Variants in RBKS observed in about 807,000 individuals in gnomAD.
RBKS encodes ribokinase.
A neutral mutation model predicts 33.9 loss-of-function variants in RBKS; 33 were observed. The observed-to-expected ratio is 0.97, with a 90% CI of 0.74 to 1.30. The LOEUF is 1.30. RBKS is among the 50% of genes most tolerant of loss of function. The pLI, the probability that RBKS is intolerant of heterozygous loss-of-function variation, is 0.00. For synonymous variants in RBKS, 125 were observed against 143.0 expected (o/e 0.87, Z 0.90); for missense variants, 361 against 392.6 (o/e 0.92, Z 0.68).
At chr2:27,842,817 G>A (rs1573059546) in intron 5 of RBKS, among the ~76,000 whole-genome samples, 1 of 151,766 alleles carries the variant, frequency 6.6e-6, no homozygotes, top group East Asian at 1.9e-4. Flanking sequence ...AATTCTACTT[G>A]TACCATTTCT....
intron 7 of RBKS, among the ~76,000 whole-genome samples, chr2:27,787,196 C>T (rs1404233882): frequency 2.0e-5 from 3 of 152,184 alleles, no homozygotes; most frequent in South Asian, 2.1e-4. Context: ...CCAGGCACGG[C>T]GGCTCACGTC....
At chr2:27,845,676 A>C (rs1011548996) in intron 4 of RBKS, among the ~76,000 whole-genome samples, 1 of 152,226 alleles carries the variant, frequency 6.6e-6, no homozygotes, top group Non-Finnish European at 1.5e-5. Flanking sequence ...CCTTTAGGTG[A>C]AATATATCGT....
At chr2:27,814,974 C>G (rs1678059478) in intron 7 of RBKS, among the ~76,000 whole-genome samples, 1 of 152,234 alleles carries the variant, frequency 6.6e-6, no homozygotes, top group South Asian at 2.1e-4. Flanking sequence ...ATGCAATTAA[C>G]TGTTTATTCA....
chr2:27,801,427 T>TA (rs1322930238), intron 7 of RBKS, among the ~76,000 whole-genome samples: 2 of 147,040 alleles, frequency 1.4e-5, no homozygotes, highest in Non-Finnish European at 3.0e-5. Context: ...AAAAAAATCT[T>TA]AGATATTACA....
intron 1 of RBKS, chr2:27,870,826 A>C: frequency 2.1e-6 from 1 of 465,212 alleles, no homozygotes; most frequent in South Asian, 1.5e-5. Context: ...AGACTTGAAC[A>C]GTTCTGCAGC....
intron 5 of RBKS, among the ~76,000 whole-genome samples, chr2:27,836,533 C>G (rs1678522803): frequency 6.6e-6 from 1 of 152,146 alleles, no homozygotes; most frequent in Non-Finnish European, 1.5e-5. Flanking sequence ...AGACCTCAAA[C>G]TATAAAAATC....
At chr2:27,882,627 T>G (rs1180526456) in intron 1 of RBKS, among the ~76,000 whole-genome samples, 1 of 152,148 alleles carries the variant, frequency 6.6e-6, no homozygotes, top group East Asian at 1.9e-4. Flanking sequence ...CACATGCATG[T>G]GTATGTTCAT....
chr2:27,831,158 T>C (rs1047119415), intron 6 of RBKS, among the ~76,000 whole-genome samples: 1 of 148,570 alleles, frequency 6.7e-6, no homozygotes, highest in Non-Finnish European at 1.5e-5. Context: ...ATGCAAAAAC[T>C]GAGAGTGACA....
In RBKS at chr2:27,890,197, A is replaced by G. The variant is rs184123655; in HGVS notation, c.89+60T>C. 2.5e-4 allele frequency: 391 copies of G among 1,535,394 alleles called. 2 individuals are homozygous for G. In the African/African-American group the frequency reaches 4.5e-3, roughly 18 times the overall value. On this transcript the variant is annotated intron_variant, in intron 1 of 7. Transcript: ENST00000302188. This position sits in a 1 kb window ranked among gnomAD's most constrained non-coding sequence, Gnocchi z 4.8. ...AGCGCCCAAAAGCTCCACTGGGCGCATAGCGCACGGCACGCCTCCTCCCCC... is the reference window on the plus strand; with the variant it reads ...AGCGCCCAAAAGCTCCACTGGGCGCGTAGCGCACGGCACGCCTCCTCCCCC...
chr2:27,845,738 T>G (rs991628062), intron 4 of RBKS, among the ~76,000 whole-genome samples: 3 of 152,228 alleles, frequency 2.0e-5, no homozygotes, highest in Non-Finnish European at 4.4e-5. Context: ...CCATATTTTC[T>G]GTGAGAAATG....
At chr2:27,821,241 T>C (rs1678198665) in intron 7 of RBKS, among the ~76,000 whole-genome samples, 1 of 152,164 alleles carries the variant, frequency 6.6e-6, no homozygotes, top group Admixed American at 6.5e-5. Context: ...TTAATGTGTA[T>C]AATCCTGACT....
chr2:27,811,376 G>C (rs1677982756), intron 7 of RBKS, among the ~76,000 whole-genome samples: 1 of 152,216 alleles, frequency 6.6e-6, no homozygotes, highest in South Asian at 2.1e-4. Context: ...GGAAAATTCA[G>C]AGTGTGCTGA....
intron 1 of RBKS, among the ~76,000 whole-genome samples, chr2:27,859,200 T>C (rs1021262353): frequency 6.6e-6 from 1 of 152,216 alleles, no homozygotes; most frequent in African/African-American, 2.4e-5. Context: ...GGGTGTCTAT[T>C]TTAAAAAAGG....
At chr2:27,888,638 GAA>G (rs1664606434) in intron 1 of RBKS, among the ~76,000 whole-genome samples, 1 of 152,042 alleles carries the variant, frequency 6.6e-6, no homozygotes, top group East Asian at 1.9e-4. Flanking sequence ...ACCTTTTCTT[GAA>G]AAGAGTCATC....
intron 1 of RBKS, among the ~76,000 whole-genome samples, chr2:27,861,210 C>T (rs748662961): frequency 1.4e-4 from 22 of 152,170 alleles, no homozygotes; most frequent in South Asian, 2.1e-4. Context: ...TTAAGTGATC[C>T]GCCTGCCTTA....
In RBKS at chr2:27,890,163, TG is replaced by T; in HGVS notation, c.89+93del. ...ACCCAAAGCTAGCACTGTCTATCCC[TG>T]GAGACCCAGCGCCCAAAAGCTCCAC... On this transcript the variant is annotated intron_variant, in intron 1 of 7. Transcript: ENST00000302188. The surrounding 1 kb of genome is among the most constrained non-coding windows in gnomAD (Gnocchi z 4.8). 2 of 1,194,752 alleles carry T rather than the reference TG, an allele frequency of 1.7e-6. No individual in the cohort carries two copies. The highest frequency in any genetic ancestry group is 2.4e-6 in the Non-Finnish European group (2 of 822,260). The allele number at this position is 1,194,752 out of a possible 1,614,324, so 74.0% of individuals were successfully genotyped here. A position where few individuals can be genotyped will look rare whatever the true frequency, so the allele number is the denominator to read the frequency against.
At chr2:27,842,475 A>C (rs942296367) in intron 5 of RBKS, among the ~76,000 whole-genome samples, 2 of 152,216 alleles carry the variant, frequency 1.3e-5, no homozygotes, top group Non-Finnish European at 2.9e-5. Flanking sequence ...TTTTACAAAA[A>C]GGAGAAAAAA....
rs995746165 is a variant in RBKS, at chr2:27,787,862, A to ATG, written c.796-6076_796-6075dup. 3.3e-5 allele frequency among the ~76,000 whole-genome samples: 5 copies of ATG among 152,214 alleles called. No individual in the cohort carries two copies. The East Asian group carries it at 5.8e-4, about 18-fold the overall frequency. ...TTTTTAAAGCAAATTAAATAAATAT[A>ATG]TGTGTGTGTATATATATATATAAAA... On this transcript the variant is annotated intron_variant, in intron 7 of 7. Coordinates refer to ENST00000302188, the MANE Select transcript of RBKS (RefSeq NM_022128.3).
intron 7 of RBKS, among the ~76,000 whole-genome samples, chr2:27,804,010 T>TCA (rs1328085118): frequency 1.3e-5 from 2 of 151,964 alleles, no homozygotes; most frequent in Non-Finnish European, 2.9e-5. Context: ...CCACTGCACT[T>TCA]CAGCCTGGGC....
Sources: allele counts gnomAD v4.1 joint callset (sites outside exome capture counted in the v4.1 genomes callset), GRCh38; gene constraint gnomAD v4.1.1; non-coding constraint Gnocchi (gnomAD v3.1); transcripts MANE v1.5; gene names NCBI Gene and HGNC (gene_info 2026-07-23, HGNC 2026-07-21).